FER: variants seen among roughly 807,000 people sequenced by gnomAD.
The protein encoded by FER is FER tyrosine kinase.
FER carries 63 observed loss-of-function variants against 111.0 expected under a neutral mutation model. That is an observed-to-expected ratio of 0.57 (90% confidence interval 0.46 to 0.70). The LOEUF (loss-of-function observed/expected upper bound fraction) is 0.70. Ranked by LOEUF, FER falls within the 30% of genes least tolerant of loss-of-function variation. The pLI is 0.00. For synonymous variants in FER, 327 were observed against 313.9 expected (o/e 1.04, Z -0.44); for missense variants, 914 against 954.0 (o/e 0.96, Z 0.55).
At chr5:108,811,932 ATCT>A (rs35929525) in intron 3 of FER, among the ~76,000 whole-genome samples, 7,967 of 152,138 alleles carry the variant, frequency 0.052, 293 homozygotes, top group Non-Finnish European at 0.075. Context: ...CTTCTGGTGG[ATCT>A]TCTTTACTCA....
intron 1 of FER, among the ~76,000 whole-genome samples, chr5:108,752,742 A>T (rs758566945): frequency 2.6e-5 from 4 of 152,008 alleles, no homozygotes; most frequent in Non-Finnish European, 4.4e-5. Flanking sequence ...TTTTTGGAGG[A>T]TATTACATAA....
chr5:109,192,849 A>G lies in FER; in HGVS notation c.*5274A>G, dbSNP rs993420221. On this transcript the variant is annotated 3_prime_UTR_variant, in exon 20 of 20. Coordinates refer to ENST00000281092, the MANE Select transcript of FER (RefSeq NM_005246.4). ...GAGAAATGGAAGAATACAAGTAGCA[A>G]TGTTCCTTGTCTTCAATAACATTTG... The G allele has an allele frequency of 2.0e-5, 3 of 152,140 alleles. No homozygotes were observed. The highest frequency in any genetic ancestry group is 1.9e-4 in the East Asian group (1 of 5,172). The allele number at this position is 152,140 out of a possible 1,614,324, so 9.4% of individuals were successfully genotyped here. A position where few individuals can be genotyped will look rare whatever the true frequency, so the allele number is the denominator to read the frequency against.
At chr5:109,115,472 G>A (rs1750114239) in intron 17 of FER, among the ~76,000 whole-genome samples, 1 of 152,090 alleles carries the variant, frequency 6.6e-6, no homozygotes, top group Non-Finnish European at 1.5e-5. Flanking sequence ...AGCAAAGTAA[G>A]TGGTATCTTA....
rs371003422 is a variant in FER at position 108,986,294 on chromosome 5, C to CT, written c.1656+26959dup. On this transcript the variant is annotated intron_variant, in intron 13 of 19. Transcript: ENST00000281092. ...ACTTTTTGCTGGGTTTTTTTCTTCT[C>CT]TTTTTTTTTTTTCCTGATTTGTTTG... Among the ~76,000 whole-genome samples the CT allele has an allele frequency of 6.5e-4, 93 of 142,020 alleles. 1 individual carries two copies. The highest frequency in any genetic ancestry group is 1.1e-3 in the South Asian group (5 of 4,550). 93.2% of individuals were successfully genotyped at this position (142,020 alleles called of 152,430 possible).
chr5:109,015,690 G>A (rs1339910720), intron 13 of FER, among the ~76,000 whole-genome samples: 1 of 151,896 alleles, frequency 6.6e-6, no homozygotes, highest in Non-Finnish European at 1.5e-5. Flanking sequence ...CATTATATAT[G>A]GTAATTCAAA....
chr5:108,785,309 A>C, intron 2 of FER: 1 of 554,434 alleles, frequency 1.8e-6, no homozygotes, highest in Non-Finnish European at 3.5e-6. Context: ...TGGGGGCATT[A>C]TCAACACCCT....
At chr5:108,941,567 T>G (rs577755634) in intron 10 of FER, among the ~76,000 whole-genome samples, 27 of 152,276 alleles carry the variant, frequency 1.8e-4, no homozygotes, top group Admixed American at 1.4e-3. Flanking sequence ...GTAGAAAAAT[T>G]TACTGTTGTA....
chr5:108,826,427 A>C (rs903546485), intron 3 of FER, among the ~76,000 whole-genome samples: 2 of 151,344 alleles, frequency 1.3e-5, no homozygotes, highest in African/African-American at 4.9e-5. Flanking sequence ...ATTTATTTTT[A>C]TTTTTTGTAG....
At chr5:108,781,436 C>A (rs1468706318) in intron 2 of FER, among the ~76,000 whole-genome samples, 1 of 152,212 alleles carries the variant, frequency 6.6e-6, no homozygotes, top group African/African-American at 2.4e-5. Context: ...AGGTGATCCA[C>A]CTGCCTCGGC....
chr5:109,154,362 G>A (rs1755148389), intron 17 of FER, among the ~76,000 whole-genome samples: 1 of 151,876 alleles, frequency 6.6e-6, no homozygotes, highest in Non-Finnish European at 1.5e-5. Context: ...TTTTTACCAC[G>A]TAAAAGGTGA....
chr5:108,762,235 A>G (rs1751839578), intron 1 of FER, among the ~76,000 whole-genome samples: 1 of 152,170 alleles, frequency 6.6e-6, no homozygotes, highest in South Asian at 2.1e-4. Context: ...TTAACAATTT[A>G]GTCCTTCCCA....
At chr5:108,829,575 T>C (rs1212828717) in intron 3 of FER, among the ~76,000 whole-genome samples, 3 of 152,012 alleles carry the variant, frequency 2.0e-5, no homozygotes, top group African/African-American at 7.2e-5. Flanking sequence ...GGAGGTTGAG[T>C]CTGCAGTGAG....
At chr5:109,096,151 G>T (rs1221753824) in intron 16 of FER, among the ~76,000 whole-genome samples, 2 of 151,914 alleles carry the variant, frequency 1.3e-5, no homozygotes, top group Non-Finnish European at 2.9e-5. Flanking sequence ...TGAAAGAACA[G>T]GTGAGATCAA....
chr5:108,845,037 T>TAC (rs1761840072), intron 5 of FER, among the ~76,000 whole-genome samples: 6 of 54,222 alleles, frequency 1.1e-4, no homozygotes, highest in Non-Finnish European at 1.8e-4. Flanking sequence ...TATATATATA[T>TAC]ATACATATAT....
chr5:108,834,570 C>T (rs990214381), intron 4 of FER, among the ~76,000 whole-genome samples: 1 of 151,864 alleles, frequency 6.6e-6, no homozygotes, highest in Admixed American at 6.6e-5. Context: ...CGGTGGTGCA[C>T]GTCTGTAACC....
intron 13 of FER, among the ~76,000 whole-genome samples, chr5:109,002,280 G>C (rs534068918): frequency 9.2e-4 from 140 of 152,082 alleles, no homozygotes; most frequent in Middle Eastern, 3.4e-3. Context: ...CGGAGATATA[G>C]ACCAATGGAA....
At chr5:109,097,560 G>A (rs1397840954) in intron 16 of FER, among the ~76,000 whole-genome samples, 1 of 151,766 alleles carries the variant, frequency 6.6e-6, no homozygotes, top group African/African-American at 2.4e-5. Flanking sequence ...TTTTGTATTG[G>A]CACTTAATGA....
At chr5:109,183,001 C>A (rs956160010) in intron 18 of FER, among the ~76,000 whole-genome samples, 1 of 152,100 alleles carries the variant, frequency 6.6e-6, no homozygotes, top group African/African-American at 2.4e-5. Flanking sequence ...GCCATTGCGC[C>A]CAGTCTCTGA....
intron 19 of FER, 132 bp downstream of exon 19, chr5:109,186,454 G>A: frequency 2.3e-6 from 3 of 1,327,330 alleles, no homozygotes; most frequent in Non-Finnish European, 3.1e-6. Flanking sequence ...CTGGGGTTCA[G>A]AAGCAGATTT....
Sources: gnomAD v4.1 joint callset for allele counts (sites outside exome capture counted in the v4.1 genomes callset) on GRCh38, gnomAD v4.1.1 for gene constraint, MANE v1.5 for transcripts, NCBI Gene and HGNC (gene_info 2026-07-23, HGNC 2026-07-21) for gene names.